ITGA9: variants seen among roughly 807,000 people sequenced by gnomAD.
The protein encoded by ITGA9 is integrin subunit alpha 9, also known as integrin alpha-9.
Under a neutral mutation model 127.8 loss-of-function variants are expected in ITGA9, and 56 were observed. The observed-to-expected ratio is 0.44, with a 90% CI of 0.35 to 0.55. The LOEUF (loss-of-function observed/expected upper bound fraction) is 0.55, where lower values mean the gene tolerates loss of function less well. Among genes scored for constraint, ITGA9 ranks in the 20% least tolerant of loss-of-function variants. ITGA9 has a pLI of 0.00. For synonymous variants in ITGA9, 508 were observed against 514.5 expected (o/e 0.99, Z 0.17); for missense variants, 1,196 against 1,347.1 (o/e 0.89, Z 1.76).
intron 4 of ITGA9, among the ~76,000 whole-genome samples, chr3:37,490,516 T>A (rs1373559143): frequency 6.6e-6 from 1 of 152,134 alleles, no homozygotes; most frequent in Non-Finnish European, 1.5e-5. Flanking sequence ...CTTTCTCAAA[T>A]GGGTAATATG....
At chr3:37,717,280 A>C (rs1559577199) in intron 18 of ITGA9, among the ~76,000 whole-genome samples, 1 of 152,328 alleles carries the variant, frequency 6.6e-6, no homozygotes, top group East Asian at 1.9e-4. Flanking sequence ...AGGCCTATTC[A>C]CAGTCTTTAA....
At chr3:37,583,283 G>A (rs549856221) in intron 15 of ITGA9, among the ~76,000 whole-genome samples, 2 of 152,298 alleles carry the variant, frequency 1.3e-5, no homozygotes, top group African/African-American at 4.8e-5. Context: ...ATGAGAAATA[G>A]CCACTGTATT....
rs1387336573 is a variant in ITGA9, at chr3:37,452,960, G to A, written c.185+401G>A. 6.6e-6 allele frequency among the ~76,000 whole-genome samples: 1 copy of A among 152,228 alleles called. No individual in the cohort carries two copies. The highest frequency in any genetic ancestry group is 1.5e-5 in the Non-Finnish European group (1 of 68,038). The stretch of plus-strand genomic sequence containing the variant: ...GAGCCTCCTGAACCTCGCAGGGCCT[G>A]GAGGAGTCGGGGCACTGGAGCTGCA... On this transcript the variant is annotated intron_variant, in intron 1 of 27. Coordinates refer to ENST00000264741, the MANE Select transcript of ITGA9 (RefSeq NM_002207.3). This position sits in a 1 kb window ranked among gnomAD's most constrained non-coding sequence, Gnocchi z 7.3.
At chr3:37,499,089 C>T (rs913713031) in intron 5 of ITGA9, among the ~76,000 whole-genome samples, 8 of 152,214 alleles carry the variant, frequency 5.3e-5, no homozygotes, top group Admixed American at 2.6e-4. Flanking sequence ...ACAAAGCCTT[C>T]GGAGCTATGG....
At chr3:37,717,599 G>A (rs1200298895) in intron 18 of ITGA9, among the ~76,000 whole-genome samples, 1 of 152,136 alleles carries the variant, frequency 6.6e-6, no homozygotes, top group African/African-American at 2.4e-5. Context: ...TGGTGGGGGA[G>A]TGCCACACAC....
intron 8 of ITGA9, among the ~76,000 whole-genome samples, chr3:37,511,906 A>G (rs1698908692): frequency 1.3e-5 from 2 of 152,218 alleles, no homozygotes; most frequent in Admixed American, 6.5e-5. Flanking sequence ...GTTCATGTCC[A>G]TCAACCCAGG....
chr3:37,714,486 G>T (rs937864154), intron 18 of ITGA9, among the ~76,000 whole-genome samples: 8 of 152,194 alleles, frequency 5.3e-5, no homozygotes, highest in African/African-American at 1.9e-4. Context: ...AGCATCCCCT[G>T]CTCAGAAGGG....
At chr3:37,773,190 A>G (rs901206512) in intron 23 of ITGA9, among the ~76,000 whole-genome samples, 4 of 152,262 alleles carry the variant, frequency 2.6e-5, no homozygotes, top group African/African-American at 9.6e-5. Flanking sequence ...CGATGTGCAG[A>G]GCAAGGAGGA....
intron 11 of ITGA9, among the ~76,000 whole-genome samples, chr3:37,521,850 GGCTTT>G (rs1559527314): frequency 3.9e-5 from 6 of 152,176 alleles, no homozygotes; most frequent in Admixed American, 2.6e-4. Context: ...TGGGATGTAG[GGCTTT>G]GCCTGTTAGT....
intron 14 of ITGA9, among the ~76,000 whole-genome samples, chr3:37,535,389 A>G (rs1040759048): frequency 2.6e-5 from 4 of 152,370 alleles, no homozygotes; most frequent in African/African-American, 9.6e-5. Context: ...TTGAAGGTTC[A>G]TGAGCTGAGC....
At chr3:37,681,960 A>G (rs902534120) in intron 17 of ITGA9, among the ~76,000 whole-genome samples, 28 of 152,168 alleles carry the variant, frequency 1.8e-4, no homozygotes, top group Non-Finnish European at 3.8e-4. Context: ...CTACTAATGC[A>G]TCTTCAGCTC....
At chr3:37,651,123 G>T (rs1426094170) in intron 16 of ITGA9, among the ~76,000 whole-genome samples, 1 of 152,118 alleles carries the variant, frequency 6.6e-6, no homozygotes, top group Non-Finnish European at 1.5e-5. Context: ...ACATGTGCAT[G>T]TGTGCATATA....
At chr3:37,544,967 C>T (rs1575144885) in intron 15 of ITGA9, among the ~76,000 whole-genome samples, 2 of 152,350 alleles carry the variant, frequency 1.3e-5, no homozygotes, top group African/African-American at 4.8e-5. Flanking sequence ...AGAGTGCACC[C>T]GTAGGATGAG....
intron 8 of ITGA9, among the ~76,000 whole-genome samples, chr3:37,510,148 T>C (rs1170614055): frequency 6.6e-6 from 1 of 151,016 alleles, no homozygotes; most frequent in African/African-American, 2.4e-5. Context: ...ACCACAGACA[T>C]GTGCCACCAT....
chr3:37,791,491 G>A (rs1697108924), intron 26 of ITGA9, among the ~76,000 whole-genome samples: 1 of 152,164 alleles, frequency 6.6e-6, no homozygotes, highest in Non-Finnish European at 1.5e-5. Flanking sequence ...AAAATCAGAG[G>A]GATCTGGAAA....
chr3:37,632,236 A>C (rs1016800527), intron 16 of ITGA9, among the ~76,000 whole-genome samples: 10 of 152,248 alleles, frequency 6.6e-5, no homozygotes, highest in African/African-American at 2.4e-4. Flanking sequence ...AGTAGACCCA[A>C]GGAGATTTAG....
rs1201152135 is a variant in ITGA9 at position 37,533,147 on chromosome 3, G to GA, written c.1374-160dup. Among the ~76,000 whole-genome samples, 3 of 152,044 alleles carry GA rather than the reference G, an allele frequency of 2.0e-5. No individual in the cohort carries two copies. In the South Asian group the frequency reaches 6.2e-4, roughly 32 times the overall value. ...AGGCAATATGCCCCTTCTAAAACCA[G>GA]AAAAAAATGCTCACAGAACATACTA... On this transcript the variant is annotated intron_variant, in intron 13 of 27. Coordinates refer to ENST00000264741, the MANE Select transcript of ITGA9 (RefSeq NM_002207.3).
intron 26 of ITGA9, among the ~76,000 whole-genome samples, chr3:37,798,117 A>C (rs539516795): frequency 6.6e-6 from 1 of 152,068 alleles, no homozygotes; most frequent in South Asian, 2.1e-4. Context: ...CAGCTCCCCA[A>C]ATAGCTGGGA....
chr3:37,613,884 A>G (rs965932140), intron 15 of ITGA9, among the ~76,000 whole-genome samples: 5 of 152,192 alleles, frequency 3.3e-5, no homozygotes, highest in Middle Eastern at 6.8e-3. Context: ...AGATGAGTAG[A>G]TTGCAAAAAT....
Sources: gnomAD v4.1 joint callset for allele counts (sites outside exome capture counted in the v4.1 genomes callset) on GRCh38, gnomAD v4.1.1 for gene constraint, Gnocchi (gnomAD v3.1) non-coding constraint, MANE v1.5 for transcripts, NCBI Gene and HGNC (gene_info 2026-07-23, HGNC 2026-07-21) for gene names.